CTNNA2: variants seen among roughly 807,000 people sequenced by gnomAD.
The protein encoded by CTNNA2 is catenin alpha-2.
Under a neutral mutation model 101.0 loss-of-function variants are expected in CTNNA2, and 42 were observed. That is an observed-to-expected ratio of 0.42 (90% confidence interval 0.32 to 0.54). The LOEUF (loss-of-function observed/expected upper bound fraction) is 0.54. Ranked by LOEUF, CTNNA2 falls within the 20% of genes least tolerant of loss-of-function variation. The pLI, the probability that CTNNA2 is intolerant of heterozygous loss-of-function variation, is 0.14. For missense variants in CTNNA2, 871 were observed against 1,223.1 expected, an observed-to-expected ratio of 0.71 and a Z score of 4.29; for synonymous variants, 450 against 456.4, an observed-to-expected ratio of 0.99 and a Z score of 0.18.
intron 7 of CTNNA2, among the ~76,000 whole-genome samples, chr2:79,993,968 A>G (rs1014267103): frequency 1.3e-5 from 2 of 152,166 alleles, no homozygotes; most frequent in African/African-American, 4.8e-5. Context: ...CAGTGACACT[A>G]TCACAGCTCA....
intron 7 of CTNNA2, among the ~76,000 whole-genome samples, chr2:80,274,953 G>A (rs1428743241): frequency 6.6e-6 from 1 of 152,178 alleles, no homozygotes; most frequent in Non-Finnish European, 1.5e-5. Flanking sequence ...ACCCTCAGAA[G>A]ATAGAGCATT....
intron 4 of CTNNA2, among the ~76,000 whole-genome samples, chr2:79,411,604 G>GT: frequency 6.6e-6 from 1 of 152,172 alleles, no homozygotes; most frequent in South Asian, 2.1e-4. Context: ...CATTCTTAAA[G>GT]AAAAGAATTT....
At chr2:79,302,430 A>G (rs1206670663) in intron 2 of CTNNA2, among the ~76,000 whole-genome samples, 1 of 152,192 alleles carries the variant, frequency 6.6e-6, no homozygotes. Flanking sequence ...ACTTGAGTAA[A>G]GAGTAGCTGC....
intron 8 of CTNNA2, among the ~76,000 whole-genome samples, chr2:80,412,212 G>A (rs1679646648): frequency 6.6e-6 from 1 of 152,196 alleles, no homozygotes; most frequent in African/African-American, 2.4e-5. Context: ...GGAGGTAAAG[G>A]AGGAATTTGA....
At position 79,687,567 on chromosome 2, in the gene CTNNA2, A is replaced by AT. The variant is rs770749759; in HGVS notation, c.102+35918dup. ...CATTGTTTTGTTTGCCTTGCAGTGC[A>AT]TTTTTTTTTCCACCGGATATTTCAA... On this transcript the variant is annotated intron_variant, in intron 2 of 18. Transcript: ENST00000402739. The AT allele has an allele frequency of 8.8e-4, 609 of 689,432 alleles. 1 individual carries two copies. The highest frequency in any genetic ancestry group is 3.3e-3 in the East Asian group (118 of 35,504). The allele number at this position is 689,432 out of a possible 1,614,324, so 42.7% of individuals were successfully genotyped here.
At chr2:79,394,099 T>C (rs1254060675) in intron 4 of CTNNA2, among the ~76,000 whole-genome samples, 1 of 152,056 alleles carries the variant, frequency 6.6e-6, no homozygotes, top group Non-Finnish European at 1.5e-5. Flanking sequence ...CACTCACCAA[T>C]GGGGAGTTCA....
At chr2:80,081,522 G>A (rs774322547) in intron 7 of CTNNA2, among the ~76,000 whole-genome samples, 13 of 101,384 alleles carry the variant, frequency 1.3e-4, no homozygotes, top group Non-Finnish European at 2.4e-4. Context: ...CTCCCTTTCT[G>A]TCTCTCACTT....
chr2:80,495,207 C>T (rs1383725007), intron 9 of CTNNA2, among the ~76,000 whole-genome samples: 2 of 152,310 alleles, frequency 1.3e-5, no homozygotes, highest in African/African-American at 4.8e-5. Flanking sequence ...GCTCCTGAAC[C>T]TGTATCACTA....
chr2:79,706,224 G>A (rs113153226), intron 2 of CTNNA2, among the ~76,000 whole-genome samples: 3 of 152,068 alleles, frequency 2.0e-5, no homozygotes, highest in Non-Finnish European at 2.9e-5. Context: ...ATATGCGGGC[G>A]TGGTGGCGGG....
chr2:80,009,710 C>T (rs965381221), intron 7 of CTNNA2, among the ~76,000 whole-genome samples: 4 of 120,480 alleles, frequency 3.3e-5, no homozygotes, highest in Admixed American at 1.6e-4. Flanking sequence ...GTAGACTATA[C>T]AAAGCTGGTG....
At chr2:79,552,653 C>T (rs904483980) in intron 1 of CTNNA2, among the ~76,000 whole-genome samples, 1 of 152,170 alleles carries the variant, frequency 6.6e-6, no homozygotes, top group Non-Finnish European at 1.5e-5. Flanking sequence ...GCTCCCAAGC[C>T]TCAACTCTCA....
intron 4 of CTNNA2, among the ~76,000 whole-genome samples, chr2:79,439,442 T>A (rs528769692): frequency 6.6e-6 from 1 of 152,188 alleles, no homozygotes; most frequent in Admixed American, 6.5e-5. Context: ...TGACTGCTGA[T>A]GGGTACAGAG....
At chr2:80,318,669 T>G (rs923115808) in intron 7 of CTNNA2, among the ~76,000 whole-genome samples, 2 of 152,146 alleles carry the variant, frequency 1.3e-5, no homozygotes, top group Admixed American at 1.3e-4. Flanking sequence ...ATGTGGTGGG[T>G]GGTTTTCTAA....
At chr2:79,623,154 G>A (rs921330450) in intron 1 of CTNNA2, among the ~76,000 whole-genome samples, 2 of 152,134 alleles carry the variant, frequency 1.3e-5, no homozygotes, top group Non-Finnish European at 2.9e-5. Context: ...ACAGTGAAAA[G>A]CCTTTGGTTG....
rs1676600002 is a variant in CTNNA2, at chr2:80,303,667, G to A, written c.1057-89544G>A. 6.2e-7 allele frequency: 1 copy of A among 1,611,862 alleles called. No homozygotes were observed. The highest frequency in any genetic ancestry group is 1.1e-5 in the South Asian group (1 of 90,960). ...CCTCGGTGAGGTTGAGCGCCTCGCA[G>A]TACAGCAGCCGCCCCTCGCACCGGC... On this transcript the variant is annotated intron_variant, in intron 7 of 18. Coordinates refer to ENST00000402739, the MANE Select transcript of CTNNA2 (RefSeq NM_001282597.3). This position sits in a 1 kb window ranked among gnomAD's most constrained non-coding sequence, Gnocchi z 7.7.
Position 80,349,364 on chromosome 2 carries a change from T to C in CTNNA2, c.1057-43847T>C, listed in dbSNP as rs117167130. Among the ~76,000 whole-genome samples the C allele has an allele frequency of 1.6e-3, 239 of 152,248 alleles. 7 individuals carry two copies. In the South Asian group the frequency reaches 0.023, roughly 15 times the overall value. On this transcript the variant is annotated intron_variant, in intron 7 of 18. Transcript: ENST00000402739. The stretch of plus-strand genomic sequence containing the variant: ...CTAGCAAAAAGGCAGCTTTGTTGAT[T>C]TGTTGATTCGTTTGTGTATTGGGGA...
At chr2:80,368,904 G>C (rs541129142) in intron 7 of CTNNA2, among the ~76,000 whole-genome samples, 1 of 149,876 alleles carries the variant, frequency 6.7e-6, no homozygotes, top group South Asian at 2.1e-4. Flanking sequence ...TAGGCTAGTG[G>C]GTAGGAATGA....
intron 7 of CTNNA2, among the ~76,000 whole-genome samples, chr2:79,992,627 G>GT: frequency 6.6e-6 from 1 of 152,292 alleles, no homozygotes; most frequent in South Asian, 2.1e-4. Context: ...TTATATGGGA[G>GT]TTGTATTTTC....
chr2:79,197,515 GGTCAGA>G (rs1673977124), intron 1 of CTNNA2, among the ~76,000 whole-genome samples: 1 of 151,036 alleles, frequency 6.6e-6, no homozygotes. Flanking sequence ...TGAGGTTGTG[GGTCAGA>G]GTTCTACCAT....
Sources: gnomAD v4.1 joint callset for allele counts (sites outside exome capture counted in the v4.1 genomes callset) on GRCh38, gnomAD v4.1.1 for gene constraint, Gnocchi (gnomAD v3.1) non-coding constraint, MANE v1.5 for transcripts, NCBI Gene and HGNC (gene_info 2026-07-23, HGNC 2026-07-21) for gene names.